The following JMJD1C variants were observed in gnomAD, a reference collection of about 807,000 sequenced individuals.
JMJD1C encodes the protein jumonji domain containing 1C, also known as jumonji domain-containing protein 1C.
Under a neutral mutation model 245.3 loss-of-function variants are expected in JMJD1C, and 31 were observed. The observed-to-expected ratio is 0.13, with a 90% CI of 0.09 to 0.17. JMJD1C has a LOEUF of 0.17. Ranked by LOEUF, JMJD1C falls within the 10% of genes least tolerant of loss-of-function variation. The pLI, the probability that JMJD1C is intolerant of heterozygous loss-of-function variation, is 1.00. For synonymous variants in JMJD1C, 1,057 were observed against 1,017.4 expected, an observed-to-expected ratio of 1.04 and a Z score of -0.74; for missense variants, 2,691 against 3,000.2, an observed-to-expected ratio of 0.90 and a Z score of 2.41.
rs35450282 is a variant in JMJD1C, at chr10:63,385,416, C to CT, written c.169-4935dup. On this transcript the variant is annotated intron_variant, in intron 1 of 25. Coordinates refer to ENST00000399262, the MANE Select transcript of JMJD1C (RefSeq NM_032776.3). ...AATCCCATGCCTTCCCTGCCCCCGC[C>CT]TTTTTTTTTTTTTTTTTTTTTTTTT... 2.7e-3 allele frequency among the ~76,000 whole-genome samples: 147 copies of CT among 53,784 alleles called. 13 individuals are homozygous for CT. The highest frequency in any genetic ancestry group is 4.5e-3 in the Admixed American group (12 of 2,678). The allele number at this position is 53,784 out of a possible 152,430, so 35.3% of individuals were successfully genotyped here. A position where few individuals can be genotyped will look rare whatever the true frequency, so the allele number is the denominator to read the frequency against.
chr10:63,261,660 A>G (rs898472143), intron 3 of JMJD1C, among the ~76,000 whole-genome samples: 2 of 152,208 alleles, frequency 1.3e-5, no homozygotes, highest in African/African-American at 4.8e-5. Flanking sequence ...CAGAGAAAAG[A>G]GTGGGCTTCA....
At chr10:63,515,150 T>A (rs950898963) in intron 1 of JMJD1C, among the ~76,000 whole-genome samples, 1 of 152,130 alleles carries the variant, frequency 6.6e-6, no homozygotes, top group Non-Finnish European at 1.5e-5. Context: ...AGGGCTGAAG[T>A]TATTTCCCTT....
chr10:63,461,206 T>C (rs1276467209), intron 1 of JMJD1C, among the ~76,000 whole-genome samples: 2 of 152,194 alleles, frequency 1.3e-5, no homozygotes, highest in African/African-American at 4.8e-5. Context: ...TGAAAAATAG[T>C]TGGCATACTT....
chr10:63,168,158 A>C (rs948582791), intron 25 of JMJD1C, 24 bp from the exon 26 acceptor site: 6 of 1,456,332 alleles, frequency 4.1e-6, no homozygotes, highest in Non-Finnish European at 4.8e-6. Context: ...TGATATTTCT[A>C]ATCACTTCAG....
At chr10:63,436,305 G>T (rs903738250) in intron 1 of JMJD1C, among the ~76,000 whole-genome samples, 1 of 152,162 alleles carries the variant, frequency 6.6e-6, no homozygotes, top group East Asian at 1.9e-4. Context: ...TTATGTTAAT[G>T]TAACAGTTTC....
At chr10:63,389,326 A>G (rs1473935111) in intron 1 of JMJD1C, among the ~76,000 whole-genome samples, 5 of 148,902 alleles carry the variant, frequency 3.4e-5, no homozygotes, top group African/African-American at 1.2e-4. Flanking sequence ...AAAAAAAAAA[A>G]AAGAAAAAGA....
intron 24 of JMJD1C, among the ~76,000 whole-genome samples, chr10:63,170,949 AG>A (rs1457835440): frequency 6.6e-6 from 1 of 152,226 alleles, no homozygotes; most frequent in Non-Finnish European, 1.5e-5. Context: ...GGTAATGTTA[AG>A]AAAATATAAT....
intron 2 of JMJD1C, among the ~76,000 whole-genome samples, chr10:63,352,098 G>A (rs1011294213): frequency 6.6e-6 from 1 of 152,040 alleles, no homozygotes; most frequent in African/African-American, 2.4e-5. Flanking sequence ...AACCAATGAA[G>A]ACAGAAAACA....
intron 1 of JMJD1C, among the ~76,000 whole-genome samples, chr10:63,384,505 T>C (rs1168189377): frequency 2.0e-5 from 3 of 152,228 alleles, no homozygotes; most frequent in Non-Finnish European, 4.4e-5. Flanking sequence ...TTGAGAGCTC[T>C]TGGGTGACCA....
chr10:63,354,840 T>C (rs2893920), intron 2 of JMJD1C, among the ~76,000 whole-genome samples: 143,396 of 145,494 alleles, frequency 0.99, 70,693 homozygotes, highest in Middle Eastern at 1. Flanking sequence ...CATGGTGAGA[T>C]CCCATATCTA....
chr10:63,304,850 G>A (rs1254171398), intron 2 of JMJD1C, among the ~76,000 whole-genome samples: 1 of 152,162 alleles, frequency 6.6e-6, no homozygotes, highest in African/African-American at 2.4e-5. Flanking sequence ...GATTGACTAG[G>A]AGGCCAGGCA....
intron 1 of JMJD1C, among the ~76,000 whole-genome samples, chr10:63,446,987 ACT>A (rs1951755124): frequency 1.3e-5 from 2 of 151,672 alleles, no homozygotes; most frequent in African/African-American, 4.9e-5. Flanking sequence ...TTTGTGACAT[ACT>A]CTGTTATTAT....
At position 63,334,550 on chromosome 10, in the gene JMJD1C, T is replaced by C. The variant is rs575055255; in HGVS notation, c.333+45768A>G. On this transcript the variant is annotated intron_variant, in intron 2 of 25. Transcript: ENST00000399262. ...CCGCCTGAGCAACATGGTGAAACCC[T>C]GTCTCTACAAAAAATTCAAAAATTA... Among the ~76,000 whole-genome samples the C allele has an allele frequency of 1.1e-4, 17 of 152,192 alleles. 1 individual carries two copies. The highest frequency in any genetic ancestry group is 3.6e-4 in the African/African-American group (15 of 41,566).
chr10:63,520,009 G>A (rs1955157867), intron 1 of JMJD1C, among the ~76,000 whole-genome samples: 1 of 152,110 alleles, frequency 6.6e-6, no homozygotes, highest in African/African-American at 2.4e-5. Context: ...AGAGTTAAAT[G>A]CAAATTATTA....
intron 1 of JMJD1C, among the ~76,000 whole-genome samples, chr10:63,439,033 G>T (rs148845785): frequency 3.4e-4 from 52 of 152,178 alleles, no homozygotes; most frequent in South Asian, 1.7e-3. Flanking sequence ...TATGTACAAG[G>T]CATGCAATAA....
intron 1 of JMJD1C, among the ~76,000 whole-genome samples, chr10:63,441,688 C>G (rs530337894): frequency 5.3e-4 from 81 of 152,246 alleles, no homozygotes; most frequent in African/African-American, 1.9e-3. Context: ...TAATCAGCTG[C>G]TGACTTAAAG....
At chr10:63,400,411 A>C (rs1948777658) in intron 1 of JMJD1C, among the ~76,000 whole-genome samples, 1 of 152,182 alleles carries the variant, frequency 6.6e-6, no homozygotes, top group South Asian at 2.1e-4. Flanking sequence ...TGTGTTGTCC[A>C]TTGAGGGAAG....
Position 63,189,438 on chromosome 10 carries a change from T to G in JMJD1C, c.6300A>C (p.Lys2100Asn), listed in dbSNP as rs766173063. 6.2e-7 allele frequency: 1 copy of G among 1,609,844 alleles called. No homozygotes were observed. The highest frequency in any genetic ancestry group is 8.5e-7 in the Non-Finnish European group (1 of 1,178,576). Residue 2100 changes from lysine to asparagine, a missense_variant, in exon 18 of 26, where the codon AAA becomes AAC. By Grantham distance (94) the Lys-to-Asn change is moderately conservative. Transcript: ENST00000399262. The part of the protein sequence containing the change: ...PVYSMGAPSS[K>N]SGRTMPNILD... ...GAATGTTAGGCATAGTCCGTCCACTTTTGCTACTCTATTAAGGAAAAAACA... is the reference window on the plus strand; with the variant it reads ...GAATGTTAGGCATAGTCCGTCCACTGTTGCTACTCTATTAAGGAAAAAACA...
intron 2 of JMJD1C, among the ~76,000 whole-genome samples, chr10:63,305,459 C>G (rs553554824): frequency 3.5e-5 from 4 of 113,022 alleles, no homozygotes; most frequent in South Asian, 3.1e-4. Flanking sequence ...ACGCTCTGAC[C>G]CTCTCTCTCT....
Sources: allele counts gnomAD v4.1 joint callset (sites outside exome capture counted in the v4.1 genomes callset), GRCh38; gene constraint gnomAD v4.1.1; transcripts MANE v1.5; gene names NCBI Gene and HGNC (gene_info 2026-07-23, HGNC 2026-07-21).